SEC24B: variants seen among roughly 807,000 people sequenced by gnomAD.
SEC24B encodes protein transport protein Sec24B.
In SEC24B, 45 loss-of-function variants were observed where a neutral mutation model predicts 142.8. The observed-to-expected ratio is 0.32, with a 90% CI of 0.25 to 0.40. SEC24B has a LOEUF of 0.40. SEC24B is among the 10% of genes least tolerant of loss of function. SEC24B has a pLI of 1.00. For missense variants in SEC24B, 1,409 were observed against 1,526.8 expected, an observed-to-expected ratio of 0.92 and a Z score of 1.29; for synonymous variants, 574 against 568.2, an observed-to-expected ratio of 1.01 and a Z score of -0.15.
intron 1 of SEC24B, among the ~76,000 whole-genome samples, chr4:109,462,061 T>C (rs1290744709): frequency 6.6e-6 from 1 of 152,168 alleles, no homozygotes; most frequent in Non-Finnish European, 1.5e-5. Flanking sequence ...CTGGTCACCA[T>C]GGTGCACGCC....
intron 4 of SEC24B, among the ~76,000 whole-genome samples, chr4:109,490,656 A>C (rs1734928882): frequency 6.6e-6 from 1 of 152,178 alleles, no homozygotes; most frequent in Non-Finnish European, 1.5e-5. Context: ...ATTTCATCAT[A>C]AATTGTCACT....
At chr4:109,503,472 C>T (rs1292321917) in intron 6 of SEC24B, among the ~76,000 whole-genome samples, 1 of 152,134 alleles carries the variant, frequency 6.6e-6, no homozygotes, top group Non-Finnish European at 1.5e-5. Flanking sequence ...GATCCACCCA[C>T]CTCGGCCTTC....
chr4:109,434,704 G>C (rs1361384433), intron 1 of SEC24B, among the ~76,000 whole-genome samples: 1 of 152,244 alleles, frequency 6.6e-6, no homozygotes, highest in Admixed American at 6.5e-5. Flanking sequence ...GGGAGCAGAT[G>C]TAAACGGATT....
At chr4:109,452,933 G>A (rs745945190) in intron 1 of SEC24B, among the ~76,000 whole-genome samples, 1 of 152,030 alleles carries the variant, frequency 6.6e-6, no homozygotes, top group Non-Finnish European at 1.5e-5. Flanking sequence ...ATAATTCAAC[G>A]TTATTTCACG....
At chr4:109,469,126 A>C (rs1298437067) in intron 2 of SEC24B, among the ~76,000 whole-genome samples, 27 of 151,440 alleles carry the variant, frequency 1.8e-4, no homozygotes, top group Non-Finnish European at 7.4e-5. Flanking sequence ...CATAATTATC[A>C]AAAAAAAAGA....
chr4:109,481,109 C>T (rs190003145), intron 3 of SEC24B, among the ~76,000 whole-genome samples: 5 of 152,090 alleles, frequency 3.3e-5, no homozygotes, highest in Admixed American at 6.5e-5. Flanking sequence ...AGTCCCCCAG[C>T]CCCCCGTCCC....
At chr4:109,497,143 T>C (rs1735620596) in intron 6 of SEC24B, among the ~76,000 whole-genome samples, 1 of 152,250 alleles carries the variant, frequency 6.6e-6, no homozygotes, top group African/African-American at 2.4e-5. Flanking sequence ...GCTTTTGCAC[T>C]ACAGTAGTAC....
chr4:109,473,074 T>C lies in SEC24B; in HGVS notation c.948T>C (p.Thr316=). 2 of 1,606,368 alleles carry C rather than the reference T, an allele frequency of 1.2e-6. No individual in the cohort carries two copies. The highest frequency in any genetic ancestry group is 1.7e-6 in the Non-Finnish European group (2 of 1,176,438). The part of the protein sequence containing the change: ...QPPKSSPVVS[T]VLSGSSGSSS... ...CCAAGTCCAGCCCAGTGGTATCCACTGTTTTATCAGGATCCTCAGGATCCT... is the reference window on the plus strand; with the variant it reads ...CCAAGTCCAGCCCAGTGGTATCCACCGTTTTATCAGGATCCTCAGGATCCT... Residue 316 remains threonine (T), a synonymous_variant, in exon 3 of 24, where the codon ACT becomes ACC. Transcript: ENST00000265175.
rs371688252 is a variant in SEC24B, at chr4:109,503,983, T to C, written c.1489-2345T>C. 9.2e-5 allele frequency among the ~76,000 whole-genome samples: 14 copies of C among 152,316 alleles called. No individual in the cohort carries two copies. In the South Asian group the frequency reaches 2.9e-3, roughly 32 times the overall value. On this transcript the variant is annotated intron_variant, in intron 6 of 23. Coordinates refer to ENST00000265175, the MANE Select transcript of SEC24B (RefSeq NM_006323.5). ...GGGTCTTTTGGGGGGTTTTCTGTTA[T>C]ATGCTGCTATTAATCCATGTGATCA...
chr4:109,533,601 C>T lies in SEC24B; in HGVS notation c.3504C>T (p.Tyr1168=). 1 of 1,607,318 alleles carries T rather than the reference C, an allele frequency of 6.2e-7. No individual in the cohort carries two copies. The highest frequency in any genetic ancestry group is 8.5e-7 in the Non-Finnish European group (1 of 1,175,894). ...TTGCTTTTTCTTTTTAGGTTTTTTA[C>T]ATTTGGGTTGGGAAAGGCTGTGACA... ...AFLMDCGSVF[Y]IWVGKGCDNN... The change falls in exon 22 of 24, where the codon TAC becomes TAT. Residue 1168 remains tyrosine (Y), a synonymous_variant. Coordinates refer to ENST00000265175, the MANE Select transcript of SEC24B (RefSeq NM_006323.5).
intron 22 of SEC24B, among the ~76,000 whole-genome samples, chr4:109,535,725 G>A (rs181217020): frequency 6.6e-6 from 1 of 152,156 alleles, no homozygotes; most frequent in African/African-American, 2.4e-5. Flanking sequence ...GGTGGCAGGC[G>A]CCTGTAGTCC....
chr4:109,507,119 G>GC (rs891337784), intron 7 of SEC24B, among the ~76,000 whole-genome samples: 3 of 151,960 alleles, frequency 2.0e-5, no homozygotes, highest in Non-Finnish European at 4.4e-5. Context: ...ACTTCACAGT[G>GC]CCTCATGTCT....
intron 22 of SEC24B, among the ~76,000 whole-genome samples, chr4:109,535,850 T>TGAAAAA (rs1340681010): frequency 8.2e-6 from 1 of 122,514 alleles, no homozygotes; most frequent in African/African-American, 3.4e-5. Context: ...AGACTCCGTC[T>TGAAAAA]CAAAAAAAAA....
At chr4:109,492,912 G>T (rs1319866140) in intron 5 of SEC24B, among the ~76,000 whole-genome samples, 2 of 151,396 alleles carry the variant, frequency 1.3e-5, no homozygotes, top group Non-Finnish European at 2.9e-5. Context: ...TAAAGATGGG[G>T]TCTCACTTTG....
In SEC24B at chr4:109,525,486, A is replaced by G; in HGVS notation, c.2773A>G (p.Arg925Gly). ...AAAAATTGGGTTTGAAGCTGTTATGAGAATAAGGTGTACTAAAGGTATGAA... is the reference window on the plus strand; with the variant it reads ...AAAAATTGGGTTTGAAGCTGTTATGGGAATAAGGTGTACTAAAGGTATGAA... The part of the protein sequence containing the change: ...TRKIGFEAVM[R>G]IRCTKGLSMH... Residue 925 changes from arginine to glycine, a missense_variant, in exon 16 of 24, where the codon AGA (arginine) becomes GGA (glycine). Arg to Gly is a moderately radical substitution (Grantham distance 125). This residue lies in a region of SEC24B where 700 missense variants were observed against 853.3 expected (regional missense o/e 0.82). Transcript: ENST00000265175. The G allele has an allele frequency of 6.2e-7, 1 of 1,608,582 alleles. No individual in the cohort carries two copies. The highest frequency in any genetic ancestry group is 2.2e-5 in the East Asian group (1 of 44,694).
rs1467384836 is a variant in SEC24B, at chr4:109,463,305, TGTG to T, written c.541_543del (p.Gly181del). On this transcript the variant is annotated inframe_deletion, in exon 2 of 24. Transcript: ENST00000265175. ...TGCGTCTCAGGGATTTCCCTCTACT[TGTG>T]GTCATTATGCTATGTCAACTGTTTC... 1.2e-6 allele frequency: 2 copies of T among 1,614,130 alleles called. No homozygotes were observed. Among genetic ancestry groups the T allele is most frequent in the East Asian group, 2.2e-5 (1 of 44,904 alleles).
At chr4:109,482,979 T>TATATATATATATACACACAC (rs781527364) in intron 4 of SEC24B, among the ~76,000 whole-genome samples, 10 of 26,412 alleles carry the variant, frequency 3.8e-4, no homozygotes, top group East Asian at 1.1e-3. Context: ...TATATATATA[T>TATATATATATATACACACAC]ACACACACAC....
intron 6 of SEC24B, among the ~76,000 whole-genome samples, chr4:109,500,161 C>T (rs1300537130): frequency 2.0e-5 from 3 of 152,258 alleles, no homozygotes; most frequent in Admixed American, 6.5e-5. Flanking sequence ...ATTTTTTGTA[C>T]AGCTGTACAA....
intron 4 of SEC24B, among the ~76,000 whole-genome samples, chr4:109,482,641 T>C (rs1733848590): frequency 6.6e-6 from 1 of 151,866 alleles, no homozygotes; most frequent in African/African-American, 2.4e-5. Flanking sequence ...TTTATTTTGC[T>C]TTGTTTTTTA....
Sources: gnomAD v4.1 joint callset for allele counts (sites outside exome capture counted in the v4.1 genomes callset) on GRCh38, gnomAD v4.1.1 for gene constraint, gnomAD v4.1.1 regional missense constraint, MANE v1.5 for transcripts, NCBI Gene and HGNC (gene_info 2026-07-23, HGNC 2026-07-21) for gene names.